The following SLC22A23 variants were observed in gnomAD, a reference collection of about 807,000 sequenced individuals.
SLC22A23 encodes the protein solute carrier family 22 member 23.
A neutral mutation model predicts 61.0 loss-of-function variants in SLC22A23; 26 were observed. That is an observed-to-expected ratio of 0.43 (90% CI 0.31 to 0.59). The LOEUF is 0.59. Among genes scored for constraint, SLC22A23 ranks in the 20% least tolerant of loss-of-function variants. The probability of loss-of-function intolerance (pLI) is 0.11; values close to 1 mark genes in which losing one functional copy is unlikely to be tolerated. For missense variants in SLC22A23, 796 were observed against 934.7 expected (o/e 0.85, Z 1.94); for synonymous variants, 430 against 413.9 (o/e 1.04, Z -0.47).
chr6:3,435,869 G>T (rs1314352098), intron 1 of SLC22A23, among the ~76,000 whole-genome samples: 1 of 152,178 alleles, frequency 6.6e-6, no homozygotes, highest in African/African-American at 2.4e-5. Context: ...GAGAGATGAG[G>T]ACACAGACAC....
At chr6:3,292,787 T>G (rs1024999133) in intron 5 of SLC22A23, among the ~76,000 whole-genome samples, 2 of 152,214 alleles carry the variant, frequency 1.3e-5, no homozygotes, top group African/African-American at 4.8e-5. Flanking sequence ...GCTGCTCGTC[T>G]GTGAAGTAGG....
chr6:3,288,462 C>G (rs1760261286), intron 6 of SLC22A23, among the ~76,000 whole-genome samples: 1 of 152,202 alleles, frequency 6.6e-6, no homozygotes, highest in Non-Finnish European at 1.5e-5. Flanking sequence ...GCTTTATAAT[C>G]CAGCAACTGA....
rs570854594 is a variant in SLC22A23, at chr6:3,448,169, C to T, written c.654+7737G>A. Among the ~76,000 whole-genome samples, 6 of 152,226 alleles carry T rather than the reference C, an allele frequency of 3.9e-5. No homozygotes were observed. In the South Asian group the frequency reaches 1.0e-3, roughly 26 times the overall value. ...CCACCTCCCTCGGCCTCCCGAAGTG[C>T]TGGGATTACAGGCGTGAGCCACCGC... On this transcript the variant is annotated intron_variant, in intron 1 of 9. Coordinates refer to ENST00000406686, the MANE Select transcript of SLC22A23 (RefSeq NM_015482.2).
chr6:3,392,256 C>T (rs1428758258), intron 3 of SLC22A23, among the ~76,000 whole-genome samples: 1 of 152,208 alleles, frequency 6.6e-6, no homozygotes, highest in African/African-American at 2.4e-5. Context: ...TTTTCCACTG[C>T]TCTGCTGGCT....
chr6:3,274,793 A>C (rs1758745398), intron 9 of SLC22A23, among the ~76,000 whole-genome samples: 1 of 152,260 alleles, frequency 6.6e-6, no homozygotes. Context: ...GGAATGCAAG[A>C]CTTGTATGCT....
At chr6:3,282,939 A>G (rs1445339017) in intron 9 of SLC22A23, among the ~76,000 whole-genome samples, 3 of 152,192 alleles carry the variant, frequency 2.0e-5, no homozygotes, top group Non-Finnish European at 4.4e-5. Flanking sequence ...AAAGTGGCTG[A>G]GCACAGGTTA....
intron 3 of SLC22A23, among the ~76,000 whole-genome samples, chr6:3,402,551 ACTC>A (rs1768497088): frequency 6.6e-5 from 10 of 151,352 alleles, no homozygotes; most frequent in Non-Finnish European, 1.0e-4. Context: ...GCTGCAGCCC[ACTC>A]CAATCATCCA....
At chr6:3,404,556 G>A (rs1768660475) in intron 3 of SLC22A23, among the ~76,000 whole-genome samples, 1 of 152,170 alleles carries the variant, frequency 6.6e-6, no homozygotes, top group Admixed American at 6.5e-5. Flanking sequence ...ACAATTTTGA[G>A]AAAAATCAGT....
At chr6:3,429,983 T>C (rs1263220914) in intron 1 of SLC22A23, among the ~76,000 whole-genome samples, 2 of 152,138 alleles carry the variant, frequency 1.3e-5, no homozygotes, top group Admixed American at 1.3e-4. Flanking sequence ...TGGTGATGGT[T>C]GCACAACAAT....
At chr6:3,305,598 G>A (rs574641370) in intron 4 of SLC22A23, among the ~76,000 whole-genome samples, 4 of 152,298 alleles carry the variant, frequency 2.6e-5, no homozygotes, top group African/African-American at 7.2e-5. Flanking sequence ...AATCTCTGCT[G>A]ACAAGTACAT....
At position 3,273,033 on chromosome 6, in the gene SLC22A23, GC is replaced by G; in HGVS notation, c.*21del. The G allele has an allele frequency of 6.6e-7, 1 of 1,516,168 alleles. No individual in the cohort carries two copies. 93.9% of individuals were successfully genotyped at this position (1,516,168 alleles called of 1,614,324 possible). A position where few individuals can be genotyped will look rare whatever the true frequency, so the allele number is the denominator to read the frequency against. On this transcript the variant is annotated 3_prime_UTR_variant, in exon 10 of 10. Transcript: ENST00000406686. ...TGCCCAAGCTGCCCCAGACCCTGGA[GC>G]CCCGGGTTCCGCAGGCCGGGCTACA...
At chr6:3,337,633 C>T (rs1024110447) in intron 3 of SLC22A23, among the ~76,000 whole-genome samples, 2 of 152,080 alleles carry the variant, frequency 1.3e-5, no homozygotes, top group Non-Finnish European at 2.9e-5. Flanking sequence ...GGCAAGGACC[C>T]GGGCAAGTCT....
Position 3,330,732 on chromosome 6 carries a change from C to T in SLC22A23, c.914-6730G>A, listed in dbSNP as rs886500594. ...CATTACAGCTCTACATCTCCCCTTCCGCGTGGAAGGCGTCCTCTTTCCTCT... is the reference window on the plus strand; with the variant it reads ...CATTACAGCTCTACATCTCCCCTTCTGCGTGGAAGGCGTCCTCTTTCCTCT... On this transcript the variant is annotated intron_variant, in intron 3 of 9. Transcript: ENST00000406686. This position sits in a 1 kb window ranked among gnomAD's most constrained non-coding sequence, Gnocchi z 4.7. Among the ~76,000 whole-genome samples the T allele has an allele frequency of 9.2e-5, 14 of 152,314 alleles. No individual in the cohort carries two copies. Among genetic ancestry groups the T allele is most frequent in the East Asian group, 7.7e-4 (4 of 5,188 alleles).
At chr6:3,352,425 A>G (rs1317918118) in intron 3 of SLC22A23, among the ~76,000 whole-genome samples, 7 of 152,152 alleles carry the variant, frequency 4.6e-5, no homozygotes, top group African/African-American at 1.7e-4. Flanking sequence ...ACCGGCATGC[A>G]TGCACAGACA....
intron 2 of SLC22A23, among the ~76,000 whole-genome samples, chr6:3,411,123 G>C (rs1488359755): frequency 6.6e-6 from 1 of 152,214 alleles, no homozygotes; most frequent in Admixed American, 6.5e-5. Flanking sequence ...GAGGACAGTA[G>C]AGGGTGGTCC....
intron 5 of SLC22A23, among the ~76,000 whole-genome samples, chr6:3,295,536 G>A (rs1761010447): frequency 6.6e-6 from 1 of 152,204 alleles, no homozygotes; most frequent in Non-Finnish European, 1.5e-5. Context: ...CTGGTGGCAG[G>A]GAGGATGGAA....
In SLC22A23 at chr6:3,327,335, T is replaced by C. The variant is rs1763342251; in HGVS notation, c.914-3333A>G. On this transcript the variant is annotated intron_variant, in intron 3 of 9. Coordinates refer to ENST00000406686, the MANE Select transcript of SLC22A23 (RefSeq NM_015482.2). This position sits in a 1 kb window ranked among gnomAD's most constrained non-coding sequence, Gnocchi z 4.1. ...TGGCTGGCAGCTGTGTCCCGGTACTTACTAGAATCAATTTCTTTGCCAATG... is the reference window on the plus strand; with the variant it reads ...TGGCTGGCAGCTGTGTCCCGGTACTCACTAGAATCAATTTCTTTGCCAATG... 6.6e-6 allele frequency among the ~76,000 whole-genome samples: 1 copy of C among 152,218 alleles called. No individual in the cohort carries two copies. Among genetic ancestry groups the C allele is most frequent in the Admixed American group, 6.5e-5 (1 of 15,288 alleles).
intron 1 of SLC22A23, among the ~76,000 whole-genome samples, chr6:3,440,866 T>C (rs1771547077): frequency 6.6e-6 from 1 of 152,136 alleles, no homozygotes. Context: ...CCTCCAGAAC[T>C]GTAAGGAAAT....
In SLC22A23 at chr6:3,279,305, G is replaced by T. The variant is rs150014853; in HGVS notation, c.1703+4547C>A. ...AGATGGGCAGATCACGAGGTCAGGAGATCGAGACCACTGTGGCCAACATGG... is the reference window on the plus strand; with the variant it reads ...AGATGGGCAGATCACGAGGTCAGGATATCGAGACCACTGTGGCCAACATGG... On this transcript the variant is annotated intron_variant, in intron 9 of 9. Coordinates refer to ENST00000406686, the MANE Select transcript of SLC22A23 (RefSeq NM_015482.2). Among the ~76,000 whole-genome samples, 34 of 151,776 alleles carry T rather than the reference G, an allele frequency of 2.2e-4. No homozygotes were observed. The East Asian group carries it at 3.7e-3, about 16-fold the overall frequency.
Sources: gnomAD v4.1 joint callset for allele counts (sites outside exome capture counted in the v4.1 genomes callset) on GRCh38, gnomAD v4.1.1 for gene constraint, Gnocchi (gnomAD v3.1) non-coding constraint, MANE v1.5 for transcripts, NCBI Gene and HGNC (gene_info 2026-07-23, HGNC 2026-07-21) for gene names.